RACGAP1: variants seen among roughly 807,000 people sequenced by gnomAD.
The protein encoded by RACGAP1 is rac GTPase-activating protein 1.
RACGAP1 carries 30 observed loss-of-function variants against 78.1 expected under a neutral mutation model. The observed-to-expected ratio is 0.38, with a 90% CI of 0.29 to 0.52. The LOEUF is 0.52. Ranked by LOEUF, RACGAP1 falls within the 20% of genes least tolerant of loss-of-function variation. The pLI is 0.82. For missense variants in RACGAP1, 587 were observed against 777.1 expected, an observed-to-expected ratio of 0.76 and a Z score of 2.91; for synonymous variants, 231 against 264.8, an observed-to-expected ratio of 0.87 and a Z score of 1.24.
chr12:50,016,852 TAAC>T (rs899844833), intron 1 of RACGAP1, 133 bp from the exon 2 acceptor site: 3 of 1,383,364 alleles, frequency 2.2e-6, no homozygotes, highest in Non-Finnish European at 2.9e-6. Flanking sequence ...AATCTCAAGC[TAAC>T]AACAGATGTT....
At chr12:50,028,035 G>C (rs1002715491), upstream of RACGAP1, among the ~76,000 whole-genome samples, 1 of 152,076 alleles carries the variant, frequency 6.6e-6, no homozygotes, top group Non-Finnish European at 1.5e-5. Flanking sequence ...ATCCTGTAAC[G>C]GACTCAATGA....
At chr12:50,026,012 G>A (rs116651971), upstream of RACGAP1, among the ~76,000 whole-genome samples, 1,215 of 152,322 alleles carry the variant, frequency 8.0e-3, 16 homozygotes, top group African/African-American at 0.027. Flanking sequence ...CTGTCCAGTA[G>A]CTACGAATGG....
chr12:50,003,946 TA>T (rs1948828000), intron 5 of RACGAP1, among the ~76,000 whole-genome samples: 1 of 152,232 alleles, frequency 6.6e-6, no homozygotes. Flanking sequence ...GCTGGGGCTT[TA>T]ATAAGTCAAA....
At chr12:50,030,167 T>C (rs1449335240), upstream of RACGAP1, among the ~76,000 whole-genome samples, 1 of 152,100 alleles carries the variant, frequency 6.6e-6, no homozygotes, top group Non-Finnish European at 1.5e-5. Flanking sequence ...ATTCCTTTAC[T>C]TTCTTAACAA....
rs1339324190 is a variant in RACGAP1, at chr12:49,990,782, C to T, written c.1725G>A (p.Leu575=). The stretch of plus-strand genomic sequence containing the variant: ...GATGTTCAGGAGTGGTCACAGGTCC[C>T]AGTAAACTCACTTCAAAGTTCAGAC... ...PQTPDIKVSL[L]GPVTTPEHQL... The change falls in exon 16 of 17, where the codon CTG becomes CTA. Residue 575 remains leucine (L), a synonymous_variant. Coordinates refer to ENST00000312377, the MANE Select transcript of RACGAP1 (RefSeq NM_001319999.2). 6.2e-7 allele frequency: 1 copy of T among 1,611,382 alleles called. No homozygotes were observed. The highest frequency in any genetic ancestry group is 8.5e-7 in the Non-Finnish European group (1 of 1,178,586).
chr12:50,024,770 T>C (rs1385126288), intron 1 of RACGAP1, among the ~76,000 whole-genome samples: 1 of 151,368 alleles, frequency 6.6e-6, no homozygotes, highest in Non-Finnish European at 1.5e-5. Flanking sequence ...ACCCGACACA[T>C]TAGAAAGATA....
intron 5 of RACGAP1, among the ~76,000 whole-genome samples, chr12:50,003,995 T>C (rs910697157): frequency 2.0e-5 from 3 of 152,236 alleles, no homozygotes; most frequent in Non-Finnish European, 2.9e-5. Context: ...CAGAGATCTA[T>C]TAAATGAACT....
At chr12:49,991,457 T>TTTTATATATATATA (rs1345935711) in intron 15 of RACGAP1, among the ~76,000 whole-genome samples, 6 of 27,412 alleles carry the variant, frequency 2.2e-4, no homozygotes, top group East Asian at 2.1e-3. Context: ...ATTTAAACTA[T>TTTTATATATATATA]TATATATATA....
chr12:49,993,576 C>G (rs753574988), intron 12 of RACGAP1, among the ~76,000 whole-genome samples: 1 of 151,680 alleles, frequency 6.6e-6, no homozygotes, highest in East Asian at 1.9e-4. Flanking sequence ...CACCTGAGGT[C>G]AGGAGTTTGA....
chr12:49,995,750 C>T (rs1948221764), intron 10 of RACGAP1, among the ~76,000 whole-genome samples: 1 of 152,156 alleles, frequency 6.6e-6, no homozygotes, highest in Non-Finnish European at 1.5e-5. Context: ...CTGCCTCAGC[C>T]TCCCAAAGTG....
At chr12:50,005,225 G>A in intron 4 of RACGAP1, 31 bp downstream of exon 4, 1 of 1,612,212 alleles carries the variant, frequency 6.2e-7, no homozygotes, top group Non-Finnish European at 8.5e-7. Context: ...TGTTGCTTGT[G>A]ATAGGATAAC....
chr12:50,006,385 C>G, intron 3 of RACGAP1, 49 bp downstream of exon 3: 88 of 1,581,694 alleles, frequency 5.6e-5, no homozygotes, highest in Non-Finnish European at 7.0e-5. Context: ...CAGACAATGC[C>G]TTCCCCCTCC....
At chr12:50,005,548 C>G (rs1228036390) in intron 3 of RACGAP1, among the ~76,000 whole-genome samples, 156 bp from the exon 4 acceptor site, 1 of 152,226 alleles carries the variant, frequency 6.6e-6, no homozygotes, top group Non-Finnish European at 1.5e-5. Context: ...TAATTCACAT[C>G]AAACCCAGAT....
intron 1 of RACGAP1, among the ~76,000 whole-genome samples, chr12:50,024,055 G>A (rs979190165): frequency 6.6e-5 from 10 of 152,038 alleles, no homozygotes; most frequent in Admixed American, 6.6e-5. Context: ...CAGCTACTCG[G>A]GAGGCTGAGG....
chr12:50,017,517 C>T (rs1259120261), intron 1 of RACGAP1, among the ~76,000 whole-genome samples: 1 of 152,198 alleles, frequency 6.6e-6, no homozygotes, highest in African/African-American at 2.4e-5. Flanking sequence ...AGTGTCGTTA[C>T]AGGCGGTTCT....
chr12:50,028,464 T>G (rs545721161), upstream of RACGAP1, among the ~76,000 whole-genome samples: 165 of 152,362 alleles, frequency 1.1e-3, no homozygotes, highest in African/African-American at 3.9e-3. Context: ...ACTCCTCAAG[T>G]GATCTTTTAA....
intron 5 of RACGAP1, among the ~76,000 whole-genome samples, chr12:50,002,849 G>A (rs935495094): frequency 5.3e-5 from 8 of 151,878 alleles, no homozygotes; most frequent in Admixed American, 2.0e-4. Context: ...GTGAAACCCC[G>A]TCTCTACTAA....
chr12:50,015,830 A>T (rs192925260), intron 2 of RACGAP1, among the ~76,000 whole-genome samples: 566 of 150,244 alleles, frequency 3.8e-3, no homozygotes, highest in East Asian at 6.6e-3. Context: ...AAAAAAATTT[A>T]AAAAAAAATT....
In RACGAP1 at chr12:50,002,718, T is replaced by C. The variant is rs117092595; in HGVS notation, c.496-418A>G. Reference sequence around the variant, plus strand: ...GTCTAATCAAATGCTCTGCATAATATTGCCACTTCACAAGTTCCACAGTTG... The same window carrying C: ...GTCTAATCAAATGCTCTGCATAATACTGCCACTTCACAAGTTCCACAGTTG... On this transcript the variant is annotated intron_variant, in intron 5 of 16. Transcript: ENST00000312377. 884 of 154,444 alleles carry C rather than the reference T, an allele frequency of 5.7e-3. 3 individuals are homozygous for C. Among genetic ancestry groups the C allele is most frequent in the Non-Finnish European group, 9.7e-3 (676 of 69,460 alleles). 9.6% of individuals were successfully genotyped at this position (154,444 alleles called of 1,614,324 possible). A position where few individuals can be genotyped will look rare whatever the true frequency, so the allele number is the denominator to read the frequency against.
Sources: gnomAD v4.1 joint callset for allele counts (sites outside exome capture counted in the v4.1 genomes callset) on GRCh38, gnomAD v4.1.1 for gene constraint, MANE v1.5 for transcripts, NCBI Gene and HGNC (gene_info 2026-07-23, HGNC 2026-07-21) for gene names.